ANKRD13C: variants seen among roughly 807,000 people sequenced by gnomAD.
The protein encoded by ANKRD13C is ankyrin repeat domain 13C.
Under a neutral mutation model 65.5 loss-of-function variants are expected in ANKRD13C, and 16 were observed. The observed-to-expected ratio is 0.24, with a 90% CI of 0.17 to 0.37. The LOEUF is 0.37. Ranked by LOEUF, ANKRD13C falls within the 10% of genes least tolerant of loss-of-function variation. ANKRD13C has a pLI of 1.00. For synonymous variants in ANKRD13C, 235 were observed against 238.7 expected, an observed-to-expected ratio of 0.98 and a Z score of 0.14; for missense variants, 503 against 655.9, an observed-to-expected ratio of 0.77 and a Z score of 2.55.
chr1:70,326,918 G>A (rs1005818651), intron 2 of ANKRD13C, among the ~76,000 whole-genome samples: 2 of 151,274 alleles, frequency 1.3e-5, no homozygotes, highest in South Asian at 4.2e-4. Context: ...AAATAAAAGG[G>A]TGGGCAATAA....
chr1:70,286,816 T>C (rs550362097), intron 9 of ANKRD13C, among the ~76,000 whole-genome samples: 2 of 152,168 alleles, frequency 1.3e-5, no homozygotes, highest in African/African-American at 4.8e-5. Flanking sequence ...CGAAACCCTG[T>C]CTCCACTAAA....
At chr1:70,348,125 A>T (rs944342709) in intron 1 of ANKRD13C, among the ~76,000 whole-genome samples, 1 of 151,834 alleles carries the variant, frequency 6.6e-6, no homozygotes, top group African/African-American at 2.4e-5. Flanking sequence ...TCTATTACAT[A>T]TTATTCTTTT....
chr1:70,354,349 C>A lies in ANKRD13C; in HGVS notation c.60G>T (p.Gly20=). The change falls in exon 1 of 13, where the codon GGG becomes GGT. Residue 20 remains glycine, a synonymous_variant. Coordinates refer to ENST00000370944, the MANE Select transcript of ANKRD13C (RefSeq NM_030816.5). The stretch of plus-strand genomic sequence containing the variant: ...CCTCATCCCCGGGCTCCAGCAGGTC[C>A]CCTTCTTCTTTGCTGGGCTTGTGGT... ...RRDHKPSKEE[G]DLLEPGDEEA... is the part of the protein sequence containing the mutation. The A allele has an allele frequency of 6.2e-7, 1 of 1,614,154 alleles. No homozygotes were observed. Among genetic ancestry groups the A allele is most frequent in the Non-Finnish European group, 8.5e-7 (1 of 1,180,024 alleles).
intron 1 of ANKRD13C, among the ~76,000 whole-genome samples, chr1:70,339,453 G>GA (rs1682206499): frequency 6.6e-6 from 1 of 151,182 alleles, no homozygotes; most frequent in African/African-American, 2.4e-5. Flanking sequence ...CAAGTAGCTG[G>GA]GATTACAGGT....
At chr1:70,281,396 C>CTTTT (rs71583111) in intron 9 of ANKRD13C, among the ~76,000 whole-genome samples, 41 of 85,356 alleles carry the variant, frequency 4.8e-4, no homozygotes, top group African/African-American at 8.4e-4. Flanking sequence ...TGACTAAATT[C>CTTTT]TTTTTTTTTT....
intron 9 of ANKRD13C, among the ~76,000 whole-genome samples, chr1:70,282,482 C>T (rs576038800): frequency 3.9e-5 from 6 of 152,250 alleles, no homozygotes; most frequent in East Asian, 3.9e-4. Flanking sequence ...CAGATTTTTA[C>T]ATGAGAGAAA....
At chr1:70,275,731 C>A (rs917973973) in intron 10 of ANKRD13C, among the ~76,000 whole-genome samples, 15 of 151,854 alleles carry the variant, frequency 9.9e-5, no homozygotes, top group African/African-American at 3.6e-4. Flanking sequence ...GAGGCCGAGG[C>A]AGGTGGATCA....
At chr1:70,323,474 C>T (rs1470592082) in intron 3 of ANKRD13C, among the ~76,000 whole-genome samples, 1 of 151,750 alleles carries the variant, frequency 6.6e-6, no homozygotes, top group African/African-American at 2.4e-5. Flanking sequence ...GAAACCCCGT[C>T]TCTGCTAAAA....
At position 70,354,501 on chromosome 1, in the gene ANKRD13C, C is replaced by T. The variant is rs965916129; in HGVS notation, c.-93G>A. 6.8e-7 allele frequency: 1 copy of T among 1,473,732 alleles called. No individual in the cohort carries two copies. 91.3% of individuals were successfully genotyped at this position (1,473,732 alleles called of 1,614,324 possible). ...GGCACAAGGCGATTAGAGCGGTGGCCAAGAGCCTCCAGCGCAGCATGAACT... is the reference window on the plus strand; with the variant it reads ...GGCACAAGGCGATTAGAGCGGTGGCTAAGAGCCTCCAGCGCAGCATGAACT... On this transcript the variant is annotated 5_prime_UTR_variant, in exon 1 of 13. The change creates a premature stop within an existing upstream ORF in the 5' untranslated region. Coordinates refer to ENST00000370944, the MANE Select transcript of ANKRD13C (RefSeq NM_030816.5).
intron 1 of ANKRD13C, among the ~76,000 whole-genome samples, chr1:70,350,554 G>A (rs1682702969): frequency 6.6e-6 from 1 of 152,254 alleles, no homozygotes; most frequent in Admixed American, 6.5e-5. Flanking sequence ...AGAGATCTGG[G>A]CTCCACAGAA....
chr1:70,285,494 T>C (rs1679582194), intron 9 of ANKRD13C, among the ~76,000 whole-genome samples: 1 of 152,034 alleles, frequency 6.6e-6, no homozygotes, highest in Admixed American at 6.6e-5. Context: ...TGCACCCAGC[T>C]ATAATGACTT....
At chr1:70,317,946 AAAT>A (rs1169325452) in intron 3 of ANKRD13C, among the ~76,000 whole-genome samples, 1 of 152,222 alleles carries the variant, frequency 6.6e-6, no homozygotes, top group African/African-American at 2.4e-5. Context: ...GGCATTCAGT[AAAT>A]AATGACCAAA....
chr1:70,289,051 C>T (rs1233275104), intron 9 of ANKRD13C, among the ~76,000 whole-genome samples: 1 of 152,118 alleles, frequency 6.6e-6, no homozygotes, highest in African/African-American at 2.4e-5. Flanking sequence ...AATCCCACCA[C>T]GTTTTTTATC....
intron 2 of ANKRD13C, 36 bp from the exon 3 acceptor site, chr1:70,324,993 G>A: frequency 1.4e-6 from 2 of 1,414,592 alleles, no homozygotes; most frequent in South Asian, 1.3e-5. Context: ...CAAACATCAT[G>A]CAATTTTTAG....
chr1:70,297,486 G>T (rs2101313043), intron 7 of ANKRD13C, among the ~76,000 whole-genome samples: 1 of 148,282 alleles, frequency 6.7e-6, no homozygotes, highest in East Asian at 2.1e-4. Flanking sequence ...TAGAGACGGG[G>T]TTTCACCATG....
chr1:70,277,002 T>C (rs533769558), intron 9 of ANKRD13C, among the ~76,000 whole-genome samples, 158 bp from the exon 10 acceptor site: 118 of 152,216 alleles, frequency 7.8e-4, no homozygotes, highest in Non-Finnish European at 1.5e-3. Context: ...GATCGTTCCA[T>C]GGTGGTTTAA....
intron 12 of ANKRD13C, among the ~76,000 whole-genome samples, chr1:70,266,423 T>C (rs1678632633): frequency 6.6e-6 from 1 of 152,228 alleles, no homozygotes; most frequent in Non-Finnish European, 1.5e-5. Context: ...AAAGCTGATA[T>C]AAAATAAACA....
Position 70,259,675 on chromosome 1 carries a change from G to A in ANKRD13C, c.*3042C>T, listed in dbSNP as rs1261671049. On this transcript the variant is annotated 3_prime_UTR_variant, in exon 13 of 13. Coordinates refer to ENST00000370944, the MANE Select transcript of ANKRD13C (RefSeq NM_030816.5). ...ATGGGCTTTTACCAAGCTTAGTTCT[G>A]CTATCTATCTTTACAAGTGACTTAA... Among the ~76,000 whole-genome samples, 1 of 152,150 alleles carries A rather than the reference G, an allele frequency of 6.6e-6. No individual in the cohort carries two copies. Among genetic ancestry groups the A allele is most frequent in the Admixed American group, 6.5e-5 (1 of 15,278 alleles).
chr1:70,323,410 C>T (rs534120636), intron 3 of ANKRD13C, among the ~76,000 whole-genome samples: 113 of 152,098 alleles, frequency 7.4e-4, no homozygotes, highest in African/African-American at 2.7e-3. Context: ...TTTGGGAGGC[C>T]AAGGTGGGCG....
Sources: gnomAD v4.1 joint callset for allele counts (sites outside exome capture counted in the v4.1 genomes callset) on GRCh38, gnomAD v4.1.1 for gene constraint, MANE v1.5 for transcripts, NCBI Gene and HGNC (gene_info 2026-07-23, HGNC 2026-07-21) for gene names.